Variants in KCTD5 observed in about 807,000 individuals in gnomAD.
KCTD5 encodes the protein potassium channel tetramerization domain containing 5, also known as BTB/POZ domain-containing protein KCTD5.
Under a neutral mutation model 27.9 loss-of-function variants are expected in KCTD5, and 12 were observed. That is an observed-to-expected ratio of 0.43 (90% CI 0.28 to 0.70). The LOEUF is 0.70. Ranked by LOEUF, KCTD5 falls within the 30% of genes least tolerant of loss-of-function variation. The probability of loss-of-function intolerance (pLI) is 0.19; values close to 1 mark genes in which losing one functional copy is unlikely to be tolerated. For synonymous variants in KCTD5, 147 were observed against 121.4 expected (o/e 1.21, Z -1.39); for missense variants, 226 against 274.8 (o/e 0.82, Z 1.26).
At chr16:2,704,872 C>G (rs1286490943) in intron 5 of KCTD5, among the ~76,000 whole-genome samples, 1 of 152,212 alleles carries the variant, frequency 6.6e-6, no homozygotes, top group Non-Finnish European at 1.5e-5. Flanking sequence ...AGGAGTGGGG[C>G]CAGAGGCCAG....
rs759144305 is a variant in KCTD5, at chr16:2,682,791, C to T, written c.243C>T (p.Asp81=). 1.9e-6 allele frequency: 3 copies of T among 1,596,662 alleles called. No individual in the cohort carries two copies. In the South Asian group the frequency reaches 3.4e-5, roughly 18 times the overall value. Residue 81 remains aspartate (D), a synonymous_variant, in exon 1 of 6, where the codon GAC becomes GAT. Coordinates refer to ENST00000301738, the MANE Select transcript of KCTD5 (RefSeq NM_018992.4). ...TATGCCAGGCCGATCCCGACCTGGA[C>T]TCAGACAAGGTGAGGGCCTCACGGG... ...YRLCQADPDL[D]SDKDETGAYL... is the part of the protein sequence containing the mutation.
At chr16:2,700,009 T>A (rs924620166) in intron 4 of KCTD5, 93 bp downstream of exon 4, 2 of 1,202,174 alleles carry the variant, frequency 1.7e-6, no homozygotes, top group Non-Finnish European at 2.4e-6. Context: ...AAATGCAGAC[T>A]TTGCTGCTGG....
At chr16:2,707,254 C>G in intron 5 of KCTD5, 44 bp from the exon 6 acceptor site, 1 of 1,602,236 alleles carries the variant, frequency 6.2e-7, no homozygotes, top group Non-Finnish European at 8.5e-7. Context: ...TCAGGGACAC[C>G]TCCTCAGCCC....
At chr16:2,701,321 C>T (rs1027888782) in intron 4 of KCTD5, among the ~76,000 whole-genome samples, 1 of 152,180 alleles carries the variant, frequency 6.6e-6, no homozygotes, top group Non-Finnish European at 1.5e-5. Flanking sequence ...GTAGGGAAGC[C>T]GCTGGGCTGA....
chr16:2,706,953 G>A (rs945955041), intron 5 of KCTD5, among the ~76,000 whole-genome samples: 1 of 151,798 alleles, frequency 6.6e-6, no homozygotes, highest in African/African-American at 2.4e-5. Context: ...AATTGGGGAG[G>A]GGGGACTGGA....
Position 2,697,994 on chromosome 16 carries a change from G to T in KCTD5, c.450G>T (p.Ser150=). 6.2e-7 allele frequency: 1 copy of T among 1,604,904 alleles called. No homozygotes were observed. The highest frequency in any genetic ancestry group is 8.5e-7 in the Non-Finnish European group (1 of 1,171,944). ...DKIRERDSKT[S]QVPVKHVYRV... Reference sequence around the variant, plus strand: ...TTAGAGAACGAGACAGCAAAACATCGCAGGTGAGACAAATGACTGAGGCTG... The same window carrying T: ...TTAGAGAACGAGACAGCAAAACATCTCAGGTGAGACAAATGACTGAGGCTG... Residue 150 remains serine (S), a synonymous_variant, in exon 3 of 6, where the codon TCG becomes TCT. Coordinates refer to ENST00000301738, the MANE Select transcript of KCTD5 (RefSeq NM_018992.4).
At position 2,707,450 on chromosome 16, in the gene KCTD5, G is replaced by T; in HGVS notation, c.*123G>T. On this transcript the variant is annotated 3_prime_UTR_variant, in exon 6 of 6. Transcript: ENST00000301738. ...TTTGATCATTTTTCTAGAGATCTGG[G>T]TGTGAATCCTTTTTTGCCTCTGAGG... is the stretch of plus-strand genomic sequence containing the variant. 1 of 1,043,220 alleles carries T rather than the reference G, an allele frequency of 9.6e-7. No individual in the cohort carries two copies. The highest frequency in any genetic ancestry group is 1.5e-6 in the Non-Finnish European group (1 of 668,492). 64.6% of individuals were successfully genotyped at this position (1,043,220 alleles called of 1,614,324 possible). A position where few individuals can be genotyped will look rare whatever the true frequency, so the allele number is the denominator to read the frequency against.
intron 1 of KCTD5, 184 bp downstream of exon 1, chr16:2,682,984 A>ATCG: frequency 1.5e-6 from 1 of 657,410 alleles, no homozygotes; most frequent in Non-Finnish European, 2.3e-6. Context: ...CTGGGAGGGG[A>ATCG]GGGTGAGGAT....
chr16:2,685,212 G>T (rs1446985192), intron 1 of KCTD5, among the ~76,000 whole-genome samples: 2 of 151,942 alleles, frequency 1.3e-5, no homozygotes, highest in East Asian at 3.9e-4. Context: ...AATCACCTGA[G>T]GTCAGGAGTT....
chr16:2,689,621 T>A (rs1247968855), intron 1 of KCTD5, among the ~76,000 whole-genome samples: 1 of 149,088 alleles, frequency 6.7e-6, no homozygotes, highest in Non-Finnish European at 1.5e-5. Flanking sequence ...TTATGTTGGG[T>A]TCAGAATCTG....
chr16:2,697,845 A>G (rs2142056563), intron 2 of KCTD5, 61 bp from the exon 3 acceptor site: 1 of 1,211,278 alleles, frequency 8.3e-7, no homozygotes. Flanking sequence ...GGTGGGTGTA[A>G]AGCGTGGATT....
intron 5 of KCTD5, among the ~76,000 whole-genome samples, chr16:2,705,281 C>T (rs564508840): frequency 1.2e-4 from 18 of 152,186 alleles, no homozygotes; most frequent in Admixed American, 1.0e-3. Context: ...CTGTAGTTGA[C>T]GAGAGCCGTC....
Position 2,682,677 on chromosome 16 carries a change from C to A in KCTD5, c.129C>A (p.Ser43=). The change falls in exon 1 of 6, where the codon TCC becomes TCA. Residue 43 remains serine, a synonymous_variant. Coordinates refer to ENST00000301738, the MANE Select transcript of KCTD5 (RefSeq NM_018992.4). ...GALAQRPGSV[S]KWVRLNVGGT... ...TGGCCCAGCGCCCTGGCAGCGTGTC[C>A]AAGTGGGTCCGACTCAACGTCGGCG... 1.9e-6 allele frequency: 3 copies of A among 1,607,754 alleles called. No individual in the cohort carries two copies. Among genetic ancestry groups the A allele is most frequent in the Non-Finnish European group, 2.5e-6 (3 of 1,177,976 alleles).
intron 5 of KCTD5, among the ~76,000 whole-genome samples, chr16:2,704,835 G>T (rs925134641): frequency 6.6e-6 from 1 of 152,200 alleles, no homozygotes. Context: ...CTATCAGGCC[G>T]AGATCTGTGG....
chr16:2,703,712 T>G (rs1257421962), intron 5 of KCTD5, among the ~76,000 whole-genome samples: 2 of 152,184 alleles, frequency 1.3e-5, no homozygotes, highest in Non-Finnish European at 1.5e-5. Context: ...TGGCCACCCG[T>G]TGTGCTCTTG....
At chr16:2,703,544 C>T (rs2067621752) in intron 5 of KCTD5, among the ~76,000 whole-genome samples, 1 of 152,222 alleles carries the variant, frequency 6.6e-6, no homozygotes, top group Non-Finnish European at 1.5e-5. Flanking sequence ...CACCAGCAGC[C>T]CAGGACTGTC....
intron 4 of KCTD5, 63 bp from the exon 5 acceptor site, chr16:2,702,290 T>C: frequency 1.9e-6 from 3 of 1,603,660 alleles, no homozygotes; most frequent in Non-Finnish European, 1.7e-6. Flanking sequence ...AGGCTGGTCA[T>C]GTCAGCCTGG....
At chr16:2,706,014 A>G (rs1045957589) in intron 5 of KCTD5, among the ~76,000 whole-genome samples, 1 of 152,114 alleles carries the variant, frequency 6.6e-6, no homozygotes, top group Non-Finnish European at 1.5e-5. Context: ...TGTCTCCCCA[A>G]GTCAACTCCA....
At chr16:2,698,392 CGT>C (rs2067595992) in intron 3 of KCTD5, among the ~76,000 whole-genome samples, 1 of 152,326 alleles carries the variant, frequency 6.6e-6, no homozygotes, top group South Asian at 2.1e-4. Context: ...GCAGATGGGT[CGT>C]GTGGGTCTGC....
Sources: allele counts gnomAD v4.1 joint callset (sites outside exome capture counted in the v4.1 genomes callset), GRCh38; gene constraint gnomAD v4.1.1; transcripts MANE v1.5; gene names NCBI Gene and HGNC (gene_info 2026-07-23, HGNC 2026-07-21).